ADAM28: variants seen among roughly 807,000 people sequenced by gnomAD.
ADAM28 encodes the protein disintegrin and metalloproteinase domain-containing protein 28.
A neutral mutation model predicts 101.2 loss-of-function variants in ADAM28; 105 were observed. The ratio of observed to expected loss-of-function variants is 1.04; its 90% CI spans 0.89 to 1.22. The LOEUF is 1.22. Ranked by LOEUF, ADAM28 falls within the 50% of genes most tolerant of loss-of-function variation. The pLI, the probability that ADAM28 is intolerant of heterozygous loss-of-function variation, is 0.00. For missense variants in ADAM28, 1,028 were observed against 945.4 expected, an observed-to-expected ratio of 1.09 and a Z score of -1.15; for synonymous variants, 322 against 310.6, an observed-to-expected ratio of 1.04 and a Z score of -0.39.
intron 6 of ADAM28, among the ~76,000 whole-genome samples, chr8:24,319,169 AT>A (rs774270534): frequency 7.9e-5 from 12 of 151,394 alleles, no homozygotes; most frequent in Non-Finnish European, 1.8e-4. Context: ...CTATTTACTC[AT>A]TTTTTTTCCC....
chr8:24,298,129 C>G (rs1255118289), intron 1 of ADAM28, among the ~76,000 whole-genome samples: 1 of 152,192 alleles, frequency 6.6e-6, no homozygotes, highest in Non-Finnish European at 1.5e-5. Flanking sequence ...ACCACTTGAA[C>G]TAGCTTTAGA....
At position 24,343,493 on chromosome 8, in the gene ADAM28, A is replaced by T; in HGVS notation, c.1912-13A>T. ...GCCTAGCGGGGACAGTAACAGGATC[A>T]TTGCTCCCCTAGGTGTGTGACCATG... On this transcript the variant is annotated splice_polypyrimidine_tract_variant and intron_variant, in intron 17 of 22. Coordinates refer to ENST00000265769, the MANE Select transcript of ADAM28 (RefSeq NM_014265.6). The T allele has an allele frequency of 6.2e-7, 1 of 1,613,434 alleles. No individual in the cohort carries two copies. Among genetic ancestry groups the T allele is most frequent in the Non-Finnish European group, 8.5e-7 (1 of 1,179,608 alleles).
intron 6 of ADAM28, among the ~76,000 whole-genome samples, chr8:24,319,413 G>C (rs1811577089): frequency 6.6e-6 from 1 of 151,934 alleles, no homozygotes; most frequent in South Asian, 2.1e-4. Flanking sequence ...TTTCACTACT[G>C]CATTTGCAGT....
chr8:24,328,947 G>T lies in ADAM28; in HGVS notation c.973-1038G>T, dbSNP rs1054404134. ...AAAAAAAAAAAATGGACCTCAAAGG[G>T]TAGGTAGGATTTAGAGTGGGGCAAG... is the stretch of plus-strand genomic sequence containing the variant. On this transcript the variant is annotated intron_variant, in intron 10 of 22. Transcript: ENST00000265769. 4.0e-5 allele frequency among the ~76,000 whole-genome samples: 6 copies of T among 151,802 alleles called. No homozygotes were observed. The East Asian group carries it at 1.2e-3, about 29-fold the overall frequency.
intron 21 of ADAM28, among the ~76,000 whole-genome samples, chr8:24,353,522 C>T (rs779196412): frequency 1.3e-5 from 2 of 151,946 alleles, no homozygotes; most frequent in African/African-American, 4.8e-5. Flanking sequence ...TTTGTAGTAT[C>T]GCCCAAGACG....
At chr8:24,350,715 C>A (rs1190407412) in intron 19 of ADAM28, among the ~76,000 whole-genome samples, 1 of 152,018 alleles carries the variant, frequency 6.6e-6, no homozygotes, top group African/African-American at 2.4e-5. Flanking sequence ...TTATGCTAAC[C>A]CTTACACAAT....
At position 24,321,219 on chromosome 8, in the gene ADAM28, T is replaced by C; in HGVS notation, c.650T>C (p.Phe217Ser). The change falls in exon 8 of 23, where the codon TTT becomes TCT. Residue 217 changes from phenylalanine (F) to serine (S), a missense_variant and splice_region_variant. Physicochemically the swap from Phe to Ser is radical, Grantham distance 155 (BLOSUM62 -2). Transcript: ENST00000265769. ...ATTCTTTCTTAATTTTTCTTTTAGT[T>C]TAAAAGGTACAATGAGAATCAAGAT... ...EYYLVLDNGE[F>S]KRYNENQDEI... The C allele has an allele frequency of 6.3e-7, 1 of 1,596,216 alleles. No individual in the cohort carries two copies. Among genetic ancestry groups the C allele is most frequent in the Non-Finnish European group, 8.6e-7 (1 of 1,164,646 alleles).
rs199891707 is a variant in ADAM28 at position 24,331,172 on chromosome 8, A to G, written c.1126A>G (p.Ser376Gly). 7.4e-5 allele frequency: 120 copies of G among 1,612,416 alleles called. 1 individual carries two copies. Among genetic ancestry groups the G allele is most frequent in the Non-Finnish European group, 9.2e-5 (108 of 1,179,222 alleles). Residue 376 changes from serine (S) to glycine (G), a missense_variant, in exon 12 of 23, where the codon AGT becomes GGT. Physicochemically the swap from Ser to Gly is moderately conservative, Grantham distance 56. Coordinates refer to ENST00000265769, the MANE Select transcript of ADAM28 (RefSeq NM_014265.6). ...CAGCTTCTATATACCCACAGACTTC[A>G]GTTCCTGCAGCCGTCTCAGCTATGA... is the stretch of plus-strand genomic sequence containing the variant. ...ALSFYIPTDF[S>G]SCSRLSYDKF...
chr8:24,309,553 A>G (rs948894566), intron 2 of ADAM28, among the ~76,000 whole-genome samples: 1 of 152,206 alleles, frequency 6.6e-6, no homozygotes, highest in Non-Finnish European at 1.5e-5. Flanking sequence ...TCACAAGATC[A>G]TAAGCTCTCT....
intron 15 of ADAM28, among the ~76,000 whole-genome samples, chr8:24,340,670 C>T (rs752190949): frequency 5.3e-5 from 8 of 152,114 alleles, no homozygotes; most frequent in Admixed American, 2.0e-4. Context: ...AAGAGTTAGC[C>T]TGAAATTCCC....
Position 24,349,972 on chromosome 8 carries a change from G to GGT in ADAM28, c.2099+2_2099+3dup. 6.2e-7 allele frequency: 1 copy of GGT among 1,612,968 alleles called. No individual in the cohort carries two copies. Among genetic ancestry groups the GGT allele is most frequent in the Non-Finnish European group, 8.5e-7 (1 of 1,179,314 alleles). On this transcript the variant is annotated frameshift_variant and splice_region_variant. Coordinates refer to ENST00000265769, the MANE Select transcript of ADAM28 (RefSeq NM_014265.6). LOFTEE classifies it high-confidence loss of function. ...AGAGAAAAGCAGAAGAAAGATCAGA[G>GGT]GTGATCCTTTATCTTATCTTGCTGT...
chr8:24,325,707 C>T (rs1249242301), intron 9 of ADAM28, among the ~76,000 whole-genome samples: 1 of 150,688 alleles, frequency 6.6e-6, no homozygotes, highest in Non-Finnish European at 1.5e-5. Flanking sequence ...TTCTAATTTT[C>T]TCATTTTATA....
At chr8:24,324,284 A>C (rs1812266017) in intron 9 of ADAM28, among the ~76,000 whole-genome samples, 1 of 152,012 alleles carries the variant, frequency 6.6e-6, no homozygotes, top group Non-Finnish European at 1.5e-5. Flanking sequence ...TCAGTGTTTA[A>C]AAAAACAACT....
In ADAM28 at chr8:24,343,267, A is replaced by G; in HGVS notation, c.1911+86A>G. 2.7e-6 allele frequency: 4 copies of G among 1,483,624 alleles called. No individual in the cohort carries two copies. In the Admixed American group the frequency reaches 7.0e-5, roughly 26 times the overall value. The allele number at this position is 1,483,624 out of a possible 1,614,324, so 91.9% of individuals were successfully genotyped here. ...ATAAGAAAGCTAAAGGAATATTTTC[A>G]GCTTTAAATGATGATAATTACTAAG... On this transcript the variant is annotated intron_variant, in intron 17 of 22. Transcript: ENST00000265769.
Position 24,341,733 on chromosome 8 carries a change from T to A in ADAM28, c.1806T>A (p.Asn602Lys). 6.2e-7 allele frequency: 1 copy of A among 1,613,750 alleles called. No individual in the cohort carries two copies. The highest frequency in any genetic ancestry group is 1.1e-5 in the South Asian group (1 of 91,022). The change falls in exon 16 of 23, where the codon AAT (asparagine) becomes AAA (lysine). Residue 602 changes from asparagine (N) to lysine (K), a missense_variant. Asn to Lys is a moderately conservative substitution (Grantham distance 94). Coordinates refer to ENST00000265769, the MANE Select transcript of ADAM28 (RefSeq NM_014265.6). ...GTCAAGAAATAGGCATGGTGGCCAATGGAACTAAGTGTGGCGATAACAAGG... is the reference window on the plus strand; with the variant it reads ...GTCAAGAAATAGGCATGGTGGCCAAAGGAACTAAGTGTGGCGATAACAAGG... Reference protein sequence around the residue: ...DTSQEIGMVANGTKCGDNKVC... With the variant: ...DTSQEIGMVAKGTKCGDNKVC...
chr8:24,317,389 G>A (rs1024121146), intron 6 of ADAM28, among the ~76,000 whole-genome samples: 2 of 152,020 alleles, frequency 1.3e-5, no homozygotes, highest in African/African-American at 2.4e-5. Flanking sequence ...AAACATATAC[G>A]TTCAATTAAT....
At chr8:24,299,908 T>A in intron 1 of ADAM28, 66 bp from the exon 2 acceptor site, 1 of 1,178,048 alleles carries the variant, frequency 8.5e-7, no homozygotes. Context: ...GCAGTAAGGA[T>A]GGCCTTTACT....
chr8:24,342,705 C>T (rs1814924814), intron 16 of ADAM28, among the ~76,000 whole-genome samples: 2 of 152,064 alleles, frequency 1.3e-5, no homozygotes, highest in Admixed American at 1.3e-4. Context: ...GAGACATTAT[C>T]ACATGACCTG....
At chr8:24,306,495 C>T (rs1402727860) in intron 2 of ADAM28, among the ~76,000 whole-genome samples, 1 of 150,418 alleles carries the variant, frequency 6.6e-6, no homozygotes, top group African/African-American at 2.5e-5. Context: ...CATCTCTTTT[C>T]CTTAGTCGCT....
Sources: gnomAD v4.1 joint callset for allele counts (sites outside exome capture counted in the v4.1 genomes callset) on GRCh38, gnomAD v4.1.1 for gene constraint, MANE v1.5 for transcripts, NCBI Gene and HGNC (gene_info 2026-07-23, HGNC 2026-07-21) for gene names.